SHISA9: variants seen among roughly 807,000 people sequenced by gnomAD.
The protein encoded by SHISA9 is protein shisa-9.
Under a neutral mutation model 38.0 loss-of-function variants are expected in SHISA9, and 13 were observed. The ratio of observed to expected loss-of-function variants is 0.34; its 90% CI spans 0.22 to 0.54. The LOEUF is 0.54. Ranked by LOEUF, SHISA9 falls within the 20% of genes least tolerant of loss-of-function variation. SHISA9 has a pLI of 0.91. For missense variants in SHISA9, 538 were observed against 575.8 expected, an observed-to-expected ratio of 0.93 and a Z score of 0.67; for synonymous variants, 275 against 242.0, an observed-to-expected ratio of 1.14 and a Z score of -1.27.
chr16:12,935,121 G>A (rs2071512374), intron 2 of SHISA9, among the ~76,000 whole-genome samples: 1 of 152,176 alleles, frequency 6.6e-6, no homozygotes, highest in African/African-American at 2.4e-5. Context: ...AAGGACAGGG[G>A]CTTTGAGTGA....
chr16:13,038,036 G>A lies in SHISA9; in HGVS notation c.691+121221G>A, dbSNP rs986768896. Among the ~76,000 whole-genome samples the A allele has an allele frequency of 4.6e-5, 7 of 152,188 alleles. No homozygotes were observed. The East Asian group carries it at 7.7e-4, about 17-fold the overall frequency. On this transcript the variant is annotated intron_variant, in intron 2 of 4. Transcript: ENST00000558583. ...GACAGGGCCTTGCTCTGTCACCCAG[G>A]CTGGCGTACAGTGGCAAGATCTCGG...
the SHISA9 span, among the ~76,000 whole-genome samples, chr16:13,528,107 A>G: frequency 2.0e-5 from 3 of 152,188 alleles, no homozygotes; most frequent in Admixed American, 6.5e-5. Flanking sequence ...GGGGGCCTCA[A>G]TTAATCAGAA....
chr16:13,304,473 G>A, the SHISA9 span, among the ~76,000 whole-genome samples: 1 of 152,094 alleles, frequency 6.6e-6, no homozygotes, highest in South Asian at 2.1e-4. Flanking sequence ...GCCCAGGCTG[G>A]TCTTGAATTC....
At chr16:13,374,760 G>C in the SHISA9 span, among the ~76,000 whole-genome samples, 1 of 152,146 alleles carries the variant, frequency 6.6e-6, no homozygotes, top group African/African-American at 2.4e-5. Flanking sequence ...CACAATGGTT[G>C]AACTAGTTTA....
At chr16:13,338,443 T>A in the SHISA9 span, among the ~76,000 whole-genome samples, 2 of 152,164 alleles carry the variant, frequency 1.3e-5, no homozygotes. Context: ...ATATTTGAAG[T>A]GGCTGGAAAA....
At chr16:13,155,957 C>T (rs186763377) in intron 2 of SHISA9, among the ~76,000 whole-genome samples, 12 of 152,134 alleles carry the variant, frequency 7.9e-5, no homozygotes, top group African/African-American at 2.2e-4. Context: ...AATGTGTTTG[C>T]GGGGATGCCA....
chr16:13,402,801 C>A, the SHISA9 span, among the ~76,000 whole-genome samples: 1 of 152,140 alleles, frequency 6.6e-6, no homozygotes, highest in African/African-American at 2.4e-5. Flanking sequence ...TCAAATTAAC[C>A]ATCACATTCC....
the SHISA9 span, among the ~76,000 whole-genome samples, chr16:13,355,417 T>G: frequency 8.0e-5 from 12 of 150,654 alleles, no homozygotes; most frequent in Admixed American, 2.6e-4. Context: ...TGGGTTAAGG[T>G]GGGGGGATAC....
chr16:12,944,413 C>T (rs1419515812), intron 2 of SHISA9, among the ~76,000 whole-genome samples: 1 of 152,226 alleles, frequency 6.6e-6, no homozygotes, highest in East Asian at 1.9e-4. Context: ...TACATGCTAG[C>T]ATCTGGCATT....
chr16:13,014,038 T>A (rs1414456731), intron 2 of SHISA9, among the ~76,000 whole-genome samples: 3 of 152,196 alleles, frequency 2.0e-5, no homozygotes, highest in Non-Finnish European at 4.4e-5. Context: ...CTGAAAATAA[T>A]ACCTTTAAAG....
the SHISA9 span, among the ~76,000 whole-genome samples, chr16:13,510,958 T>C: frequency 4.4e-4 from 67 of 152,344 alleles, no homozygotes; most frequent in African/African-American, 1.6e-3. Context: ...AGGTGACAAA[T>C]GTCTCTTCCT....
intron 2 of SHISA9, among the ~76,000 whole-genome samples, chr16:13,138,654 G>A (rs2141993729): frequency 6.6e-6 from 1 of 152,300 alleles, no homozygotes; most frequent in South Asian, 2.1e-4. Context: ...CACAATTATG[G>A]ATGGATGTCT....
At chr16:12,909,195 T>A (rs2071147104) in intron 1 of SHISA9, 12 of 985,702 alleles carry the variant, frequency 1.2e-5, no homozygotes, top group Non-Finnish European at 1.4e-5. Flanking sequence ...GGGCACTGAG[T>A]CCTTGCATTT....
the SHISA9 span, among the ~76,000 whole-genome samples, chr16:13,441,956 A>G: frequency 6.6e-6 from 1 of 152,188 alleles, no homozygotes; most frequent in African/African-American, 2.4e-5. Context: ...AAATGCAGTT[A>G]CCTCTACTCT....
the SHISA9 span, among the ~76,000 whole-genome samples, chr16:13,390,406 T>C: frequency 5.9e-5 from 9 of 152,190 alleles, no homozygotes; most frequent in Non-Finnish European, 1.0e-4. Flanking sequence ...GTGGTCCAGT[T>C]CTGTCTCACT....
chr16:12,913,463 C>T (rs906359855), intron 1 of SHISA9, among the ~76,000 whole-genome samples: 6 of 152,338 alleles, frequency 3.9e-5, no homozygotes, highest in African/African-American at 1.4e-4. Flanking sequence ...TCCCAAAGTG[C>T]TGGGATTACA....
intron 2 of SHISA9, among the ~76,000 whole-genome samples, chr16:13,124,178 A>G (rs536723674): frequency 1.3e-5 from 2 of 152,272 alleles, no homozygotes; most frequent in African/African-American, 2.4e-5. Context: ...TGTGCAGTCA[A>G]TTTACCTCTT....
chr16:13,260,935 G>T, the SHISA9 span, among the ~76,000 whole-genome samples: 1 of 152,122 alleles, frequency 6.6e-6, no homozygotes, highest in Non-Finnish European at 1.5e-5. Context: ...GAGGCGAAAG[G>T]CACTTCTTAC....
chr16:13,379,131 C>T, the SHISA9 span, among the ~76,000 whole-genome samples: 1 of 152,124 alleles, frequency 6.6e-6, no homozygotes, highest in African/African-American at 2.4e-5. Context: ...AGCTGGAAAG[C>T]TGCTTAACTC....
Sources: gnomAD v4.1 joint callset for allele counts (sites outside exome capture counted in the v4.1 genomes callset) on GRCh38, gnomAD v4.1.1 for gene constraint, MANE v1.5 for transcripts, NCBI Gene and HGNC (gene_info 2026-07-23, HGNC 2026-07-21) for gene names.